PCDH7: variants seen among roughly 807,000 people sequenced by gnomAD.
PCDH7 encodes protocadherin-7.
Under a neutral mutation model 58.9 loss-of-function variants are expected in PCDH7, and 17 were observed. That is an observed-to-expected ratio of 0.29 (90% confidence interval 0.20 to 0.43). PCDH7 has a LOEUF of 0.43. Among genes scored for constraint, PCDH7 ranks in the 20% least tolerant of loss-of-function variants. PCDH7 has a pLI of 1.00. For synonymous variants in PCDH7, 664 were observed against 616.4 expected, an observed-to-expected ratio of 1.08 and a Z score of -1.14; for missense variants, 1,274 against 1,441.0, an observed-to-expected ratio of 0.88 and a Z score of 1.88.
chr4:31,132,238 G>C (rs1038514317), intron 3 of PCDH7, among the ~76,000 whole-genome samples: 1 of 152,076 alleles, frequency 6.6e-6, no homozygotes, highest in Admixed American at 6.6e-5. Flanking sequence ...TGGAAGAAAA[G>C]AGAGTTTAAG....
chr4:30,923,796 A>G (rs1743490102), intron 2 of PCDH7, among the ~76,000 whole-genome samples: 1 of 152,164 alleles, frequency 6.6e-6, no homozygotes, highest in African/African-American at 2.4e-5. Context: ...ATTTCATGCT[A>G]ATCTTTTAAT....
At position 30,721,247 on chromosome 4, in the gene PCDH7, C is replaced by T; in HGVS notation, c.-176C>T. The stretch of plus-strand genomic sequence containing the variant: ...GAAGCATCTATCGCTGCCCTCCCAC[C>T]CCCATTCCCGGCCAACTCTCCACGC... On this transcript the variant is annotated 5_prime_UTR_variant, in exon 1 of 2. Coordinates refer to ENST00000361762, the Ensembl canonical transcript of PCDH7. The surrounding 1 kb of genome is among the most constrained non-coding windows in gnomAD (Gnocchi z 6.7). 1 of 581,844 alleles carries T rather than the reference C, an allele frequency of 1.7e-6. No homozygotes were observed. Among genetic ancestry groups the T allele is most frequent in the Non-Finnish European group, 3.0e-6 (1 of 337,290 alleles). 36.0% of individuals were successfully genotyped at this position (581,844 alleles called of 1,614,324 possible). A position where few individuals can be genotyped will look rare whatever the true frequency, so the allele number is the denominator to read the frequency against.
chr4:31,100,988 A>G (rs946939127), intron 3 of PCDH7, among the ~76,000 whole-genome samples: 3 of 152,170 alleles, frequency 2.0e-5, no homozygotes, highest in African/African-American at 7.2e-5. Flanking sequence ...TGTTGGTTGT[A>G]ATGAATCATA....
At chr4:30,982,720 A>C (rs2109112456) in intron 3 of PCDH7, among the ~76,000 whole-genome samples, 1 of 152,104 alleles carries the variant, frequency 6.6e-6, no homozygotes, top group Non-Finnish European at 1.5e-5. Flanking sequence ...TTTCCCAGTT[A>C]CTTTACTGAC....
At chr4:30,759,595 G>A (rs1719767176) in intron 1 of PCDH7, among the ~76,000 whole-genome samples, 1 of 151,998 alleles carries the variant, frequency 6.6e-6, no homozygotes, top group Non-Finnish European at 1.5e-5. Context: ...TTATCTTTGT[G>A]TGAAAAGAAA....
At chr4:30,789,281 C>A (rs1304791895) in intron 1 of PCDH7, among the ~76,000 whole-genome samples, 1 of 152,138 alleles carries the variant, frequency 6.6e-6, no homozygotes, top group African/African-American at 2.4e-5. Flanking sequence ...TTGCTCTTTA[C>A]CCCTGCAAGG....
chr4:30,832,578 C>T (rs950741115), intron 1 of PCDH7, among the ~76,000 whole-genome samples: 1 of 152,052 alleles, frequency 6.6e-6, no homozygotes, highest in Non-Finnish European at 1.5e-5. Flanking sequence ...TACCTTGTAA[C>T]AATGTTGTTA....
At position 30,942,742 on chromosome 4, in the gene PCDH7, C is replaced by T. The variant is rs556869349; in HGVS notation, c.288-7378C>T. Among the ~76,000 whole-genome samples the T allele has an allele frequency of 2.6e-4, 39 of 152,072 alleles. No individual in the cohort carries two copies. In the Middle Eastern group the frequency reaches 0.017, roughly 66 times the overall value. ...GAATTCTTACTACATTGGTGATACA[C>T]GTTGAAGTATGTATTTATTTACATA... On this transcript the variant is annotated intron_variant, in intron 2 of 3. Transcript: ENST00000509759.
chr4:30,733,392 A>G (rs1341210905), downstream of PCDH7, among the ~76,000 whole-genome samples: 6 of 152,134 alleles, frequency 3.9e-5, 1 homozygote, highest in African/African-American at 1.4e-4. Context: ...CTTTGCCCTC[A>G]TGGAATTAAT....
At chr4:30,896,936 G>T in intron 1 of PCDH7, among the ~76,000 whole-genome samples, 1 of 90,496 alleles carries the variant, frequency 1.1e-5, no homozygotes. Context: ...GTGGAGTCTT[G>T]CTCTGTCACC....
At chr4:30,838,541 A>G (rs1437670301) in intron 1 of PCDH7, among the ~76,000 whole-genome samples, 1 of 152,172 alleles carries the variant, frequency 6.6e-6, no homozygotes, top group Non-Finnish European at 1.5e-5. Flanking sequence ...GCATTAAGCC[A>G]CGTGGAAGTG....
At chr4:30,732,684 A>G (rs1027479476) in exon 2 of PCDH7, 8 of 152,142 alleles carry the variant, frequency 5.3e-5, no homozygotes, top group African/African-American at 1.9e-4. Context: ...CTCGGTTGCT[A>G]TGTTAAAAAT....
At chr4:30,992,774 G>A (rs1306382332) in intron 3 of PCDH7, among the ~76,000 whole-genome samples, 2 of 150,486 alleles carry the variant, frequency 1.3e-5, no homozygotes, top group African/African-American at 4.9e-5. Context: ...CAATGGCCAA[G>A]GAGGACTACT....
chr4:31,026,545 T>C (rs951904202), intron 3 of PCDH7, among the ~76,000 whole-genome samples: 10 of 152,210 alleles, frequency 6.6e-5, no homozygotes, highest in African/African-American at 2.4e-4. Context: ...TTTTATGTAT[T>C]CCCTTTAAAG....
At chr4:31,044,017 G>A (rs933401892) in intron 3 of PCDH7, among the ~76,000 whole-genome samples, 2 of 152,162 alleles carry the variant, frequency 1.3e-5, no homozygotes, top group African/African-American at 4.8e-5. Flanking sequence ...ATGAGAGAAA[G>A]GAGAGAAGAT....
At chr4:31,119,447 A>G (rs895166193) in intron 3 of PCDH7, among the ~76,000 whole-genome samples, 1 of 152,104 alleles carries the variant, frequency 6.6e-6, no homozygotes, top group Non-Finnish European at 1.5e-5. Flanking sequence ...GTCTGCAGCA[A>G]CCTCAATTCT....
intron 1 of PCDH7, among the ~76,000 whole-genome samples, chr4:30,861,760 CATTCA>C (rs912037220): frequency 3.9e-5 from 6 of 152,090 alleles, no homozygotes; most frequent in Admixed American, 2.0e-4. Context: ...ATCAAAGTAA[CATTCA>C]ATGAATTATT....
chr4:31,099,089 A>G (rs529886785), intron 3 of PCDH7, among the ~76,000 whole-genome samples: 1 of 152,190 alleles, frequency 6.6e-6, no homozygotes, highest in African/African-American at 2.4e-5. Context: ...GAAGGCTTCA[A>G]CATAGGAATT....
intron 3 of PCDH7, among the ~76,000 whole-genome samples, chr4:30,956,615 T>C (rs999503035): frequency 1.3e-5 from 2 of 152,228 alleles, no homozygotes; most frequent in Non-Finnish European, 2.9e-5. Context: ...TTCAACTTAA[T>C]AAGATATAGA....
Sources: gnomAD v4.1 joint callset for allele counts (sites outside exome capture counted in the v4.1 genomes callset) on GRCh38, gnomAD v4.1.1 for gene constraint, Gnocchi (gnomAD v3.1) non-coding constraint, MANE v1.5 for transcripts, NCBI Gene and HGNC (gene_info 2026-07-23, HGNC 2026-07-21) for gene names.